Variants in COL6A2 observed in about 807,000 individuals in gnomAD.
COL6A2 encodes collagen type VI alpha 2 chain.
COL6A2 carries 90 observed loss-of-function variants against 124.9 expected under a neutral mutation model. That is an observed-to-expected ratio of 0.72 (90% CI 0.61 to 0.86). The LOEUF is 0.86. Ranked by LOEUF, COL6A2 falls within the 40% of genes least tolerant of loss-of-function variation. The pLI, the probability that COL6A2 is intolerant of heterozygous loss-of-function variation, is 0.00. For synonymous variants in COL6A2, 793 were observed against 618.2 expected (o/e 1.28, Z -4.19); for missense variants, 1,607 against 1,502.5 (o/e 1.07, Z -1.15).
chr21:46,111,277 G>T (rs2078394635), intron 1 of COL6A2, 173 bp from the exon 2 acceptor site: 2 of 566,500 alleles, frequency 3.5e-6, no homozygotes, highest in African/African-American at 1.9e-5. Flanking sequence ...GAGGGCGCAA[G>T]CCCCCCAGTC....
intron 21 of COL6A2, among the ~76,000 whole-genome samples, chr21:46,123,518 C>T (rs2078600263): frequency 6.6e-6 from 1 of 150,546 alleles, no homozygotes; most frequent in Non-Finnish European, 1.5e-5. Context: ...GATGGATGGG[C>T]AAGTGGATGG....
chr21:46,106,180 T>A (rs936456420), intron 1 of COL6A2, among the ~76,000 whole-genome samples: 2 of 152,234 alleles, frequency 1.3e-5, no homozygotes, highest in African/African-American at 4.8e-5. Context: ...CAGCAAGATA[T>A]AATAATTATA....
rs556237490 is a variant in COL6A2, at chr21:46,122,541, G to A, written c.1608+10G>A. The A allele has an allele frequency of 6.2e-7, 1 of 1,612,612 alleles. No individual in the cohort carries two copies. The highest frequency in any genetic ancestry group is 2.2e-5 in the East Asian group (1 of 44,834). On this transcript the variant is annotated intron_variant, in intron 20 of 27. Coordinates refer to ENST00000300527, the MANE Select transcript of COL6A2 (RefSeq NM_001849.4). ...CCCACGCGGCCCCGAGGTATGTGTG[G>A]GTCCTGGCCACCTGTGCCCACCCAG...
intron 16 of COL6A2, among the ~76,000 whole-genome samples, 180 bp from the exon 17 acceptor site, chr21:46,120,881 C>G (rs1487813063): frequency 6.6e-6 from 1 of 152,274 alleles, no homozygotes; most frequent in African/African-American, 2.4e-5. Flanking sequence ...CCAGCCTACT[C>G]CACTCAGTGT....
chr21:46,103,088 T>A (rs1409119336), intron 1 of COL6A2, among the ~76,000 whole-genome samples: 1 of 152,206 alleles, frequency 6.6e-6, no homozygotes, highest in East Asian at 1.9e-4. Context: ...ATTGATTCAA[T>A]CTCCTTACTA....
In COL6A2 at chr21:46,122,021, A is replaced by C. The variant is rs573406074; in HGVS notation, c.1522-87A>C. The C allele has an allele frequency of 1.9e-5, 26 of 1,400,186 alleles. 1 individual carries two copies. In the African/African-American group the frequency reaches 3.1e-4, roughly 17 times the overall value. The allele number at this position is 1,400,186 out of a possible 1,614,324, so 86.7% of individuals were successfully genotyped here. ...GGCACCCCTAGCCCACTTCCACCCC[A>C]GTGTGCACCTTGCGCCCTGTTGAGC... On this transcript the variant is annotated intron_variant, in intron 18 of 27. Coordinates refer to ENST00000300527, the MANE Select transcript of COL6A2 (RefSeq NM_001849.4).
chr21:46,111,130 T>C (rs1348749945), intron 1 of COL6A2, among the ~76,000 whole-genome samples: 2 of 152,052 alleles, frequency 1.3e-5, no homozygotes, highest in African/African-American at 4.8e-5. Flanking sequence ...CTCCATTCCC[T>C]TCCATGCCGA....
intron 15 of COL6A2, among the ~76,000 whole-genome samples, chr21:46,120,098 ACTGAGGCACCACTCACAC>A (rs2078537384): frequency 7.2e-6 from 1 of 139,306 alleles, no homozygotes; most frequent in Non-Finnish European, 1.6e-5. Flanking sequence ...CCCCCGGCCC[ACTGAGGCACCACTCACAC>A]CCCCCGGCCC....
intron 1 of COL6A2, among the ~76,000 whole-genome samples, chr21:46,103,351 G>A (rs2078306467): frequency 6.6e-6 from 1 of 151,950 alleles, no homozygotes; most frequent in African/African-American, 2.4e-5. Context: ...GGTCAATTCT[G>A]TTATCTTTTC....
chr21:46,129,736 A>C, intron 27 of COL6A2: 6 of 1,371,616 alleles, frequency 4.4e-6, no homozygotes, highest in Non-Finnish European at 5.6e-6. Context: ...TCTTTATAAG[A>C]ACCCTGGTCA....
At chr21:46,129,020 C>T in intron 27 of COL6A2, 1 of 1,603,748 alleles carries the variant, frequency 6.2e-7, no homozygotes, top group Non-Finnish European at 8.5e-7. Flanking sequence ...TGCTCACTGC[C>T]CCCACGCCTC....
rs899954896 is a variant in COL6A2, at chr21:46,122,773, G to T, written c.1609-102G>T. The T allele has an allele frequency of 8.1e-5, 101 of 1,248,598 alleles. 1 individual carries two copies. Among genetic ancestry groups the T allele is most frequent in the Admixed American group, 2.5e-4 (14 of 55,162 alleles). The allele number at this position is 1,248,598 out of a possible 1,614,324, so 77.3% of individuals were successfully genotyped here. ...ACCACATAGATGCTCCCGTTTAAAGGACCCCAAAATGCCAGATCGATTTTT... is the reference window on the plus strand; with the variant it reads ...ACCACATAGATGCTCCCGTTTAAAGTACCCCAAAATGCCAGATCGATTTTT... On this transcript the variant is annotated intron_variant, in intron 20 of 27. Coordinates refer to ENST00000300527, the MANE Select transcript of COL6A2 (RefSeq NM_001849.4).
chr21:46,121,348 G>A lies in COL6A2; in HGVS notation c.1459-208G>A, dbSNP rs545748543. Reference sequence around the variant, plus strand: ...AAGGACCCAGGTTGTGGAGTCAGGGGCAAGGCAGTGGGCCTGAGGTCCTGG... The same window carrying A: ...AAGGACCCAGGTTGTGGAGTCAGGGACAAGGCAGTGGGCCTGAGGTCCTGG... On this transcript the variant is annotated intron_variant, in intron 17 of 27. Transcript: ENST00000300527. 3.3e-5 allele frequency among the ~76,000 whole-genome samples: 5 copies of A among 152,328 alleles called. No homozygotes were observed. In the East Asian group the frequency reaches 7.7e-4, roughly 24 times the overall value.
Position 46,119,861 on chromosome 21 carries a change from G to C in COL6A2, c.1332+11G>C, listed in dbSNP as rs915604664. On this transcript the variant is annotated intron_variant, in intron 15 of 27. Transcript: ENST00000300527. The stretch of plus-strand genomic sequence containing the variant: ...CCCAAGGGGGAGAAGGTGAGTCCTC[G>C]TGTGGAGGCAGCCCAGGGTCTCACT... 3.9e-6 allele frequency: 6 copies of C among 1,555,750 alleles called. No individual in the cohort carries two copies. The highest frequency in any genetic ancestry group is 4.4e-6 in the Non-Finnish European group (5 of 1,149,236).
Position 46,112,051 on chromosome 21 carries a change from C to T in COL6A2, c.188C>T (p.Thr63Met), listed in dbSNP as rs201094892. The T allele has an allele frequency of 1.5e-4, 247 of 1,613,086 alleles. 1 individual carries two copies. The highest frequency in any genetic ancestry group is 1.2e-3 in the South Asian group (107 of 91,082). ...TSESVTMQSP[T>M]DILLFHMKQF... ...GAGAGCGTCACCATGCAGTCCCCCA[C>T]GGACATCCTGCTCTTCCACATGAAG... is the stretch of plus-strand genomic sequence containing the variant. The change falls in exon 3 of 28, where the codon ACG (threonine) becomes ATG (methionine). Residue 63 changes from threonine (T) to methionine (M), a missense_variant. This residue lies in a region of COL6A2 where 342 missense variants were observed against 381.5 expected (regional missense o/e 0.90). Coordinates refer to ENST00000300527, the MANE Select transcript of COL6A2 (RefSeq NM_001849.4).
chr21:46,131,363 C>T (rs2123452822), intron 27 of COL6A2, among the ~76,000 whole-genome samples: 1 of 152,354 alleles, frequency 6.6e-6, no homozygotes, highest in Middle Eastern at 3.4e-3. Context: ...GTAACAGAGT[C>T]ATAGGGCAGA....
chr21:46,103,906 C>T (rs191952118), intron 1 of COL6A2, among the ~76,000 whole-genome samples: 324 of 152,258 alleles, frequency 2.1e-3, no homozygotes, highest in African/African-American at 7.3e-3. Context: ...TTCTCTTTTT[C>T]CTCTTTTGAG....
chr21:46,128,441 ATCC>A (rs1173844616), intron 27 of COL6A2, among the ~76,000 whole-genome samples: 3 of 152,232 alleles, frequency 2.0e-5, no homozygotes, highest in Non-Finnish European at 4.4e-5. Flanking sequence ...ACGGCCAGGC[ATCC>A]TCCTCGGCCC....
At position 46,117,887 on chromosome 21, in the gene COL6A2, A is replaced by C. The variant is rs1218992420; in HGVS notation, c.1067A>C (p.Tyr356Ser). Residue 356 changes from tyrosine (Y) to serine (S), a missense_variant, in exon 12 of 28, where the codon TAC (tyrosine) becomes TCC (serine). Around this residue, in one of 3 missense-constraint regions of COL6A2, gnomAD observed 1,223 missense variants for 1,052.2 expected, o/e 1.16. Coordinates refer to ENST00000300527, the MANE Select transcript of COL6A2 (RefSeq NM_001849.4). ...GDPGNRGPDG[Y>S]PGEAGSPGER... ...CTCCTCTCTCAGGGCCCCGACGGTT[A>C]CCCGGGGGAAGCAGGGAGTCCAGGG... 1.1e-5 allele frequency: 17 copies of C among 1,612,202 alleles called. No individual in the cohort carries two copies. Among genetic ancestry groups the C allele is most frequent in the Non-Finnish European group, 1.4e-5 (16 of 1,179,656 alleles).
Sources: allele counts gnomAD v4.1 joint callset (sites outside exome capture counted in the v4.1 genomes callset), GRCh38; gene constraint gnomAD v4.1.1; regional missense constraint gnomAD v4.1.1; transcripts MANE v1.5; gene names NCBI Gene and HGNC (gene_info 2026-07-23, HGNC 2026-07-21).